The following DCC variants were observed in gnomAD, a reference collection of about 807,000 sequenced individuals.
DCC encodes netrin receptor DCC.
A neutral mutation model predicts 172.5 loss-of-function variants in DCC; 58 were observed. The observed-to-expected ratio is 0.34, with a 90% confidence interval of 0.27 to 0.42. DCC has a LOEUF of 0.42. DCC is among the 10% of genes least tolerant of loss of function. The pLI, the probability that DCC is intolerant of heterozygous loss-of-function variation, is 1.00. For synonymous variants in DCC, 709 were observed against 644.5 expected, an observed-to-expected ratio of 1.10 and a Z score of -1.52; for missense variants, 1,740 against 1,791.0, an observed-to-expected ratio of 0.97 and a Z score of 0.51.
chr18:53,136,767 T>C (rs913564646), intron 7 of DCC, among the ~76,000 whole-genome samples: 5 of 152,192 alleles, frequency 3.3e-5, no homozygotes, highest in African/African-American at 1.2e-4. Context: ...ACAGAAATCA[T>C]GTCCCAATAA....
intron 1 of DCC, among the ~76,000 whole-genome samples, chr18:52,530,511 A>G (rs189402725): frequency 1.2e-4 from 19 of 152,354 alleles, no homozygotes; most frequent in Non-Finnish European, 1.8e-4. Context: ...GCAGAGCCAT[A>G]AAGAAAACAG....
chr18:53,256,903 A>T (rs2056524806), intron 12 of DCC, among the ~76,000 whole-genome samples: 1 of 152,148 alleles, frequency 6.6e-6, no homozygotes, highest in Non-Finnish European at 1.5e-5. Flanking sequence ...AGTGTTTTGT[A>T]GTTCTCCTTG....
chr18:53,407,801 C>T (rs191254277), intron 19 of DCC, among the ~76,000 whole-genome samples: 8 of 151,926 alleles, frequency 5.3e-5, no homozygotes, highest in Non-Finnish European at 7.4e-5. Context: ...AGATTGGAGA[C>T]TGCTCTGGTT....
At chr18:53,223,640 A>T (rs1237712158) in intron 12 of DCC, among the ~76,000 whole-genome samples, 3 of 152,196 alleles carry the variant, frequency 2.0e-5, no homozygotes, top group Non-Finnish European at 4.4e-5. Context: ...AGACATGAAT[A>T]AGTTCAGCCC....
chr18:53,144,850 G>A (rs1379457790), intron 7 of DCC, among the ~76,000 whole-genome samples: 1 of 152,044 alleles, frequency 6.6e-6, no homozygotes, highest in Non-Finnish European at 1.5e-5. Context: ...TGGGAGAAGA[G>A]GGAAGTTTTT....
chr18:52,928,807 C>T (rs1229679068), intron 5 of DCC, among the ~76,000 whole-genome samples: 2 of 152,196 alleles, frequency 1.3e-5, no homozygotes, highest in African/African-American at 4.8e-5. Flanking sequence ...AAGAAGCTGC[C>T]GTTGACCATG....
chr18:52,527,607 C>T (rs1049025392), intron 1 of DCC, among the ~76,000 whole-genome samples: 3 of 152,172 alleles, frequency 2.0e-5, no homozygotes, highest in Admixed American at 1.3e-4. Context: ...ACAATTTAGG[C>T]CATTAGTATG....
At chr18:52,568,237 CAT>C (rs1053998265) in intron 1 of DCC, among the ~76,000 whole-genome samples, 3 of 152,102 alleles carry the variant, frequency 2.0e-5, no homozygotes, top group Non-Finnish European at 4.4e-5. Flanking sequence ...AAAATAAAAA[CAT>C]ATGCTCTCAC....
intron 1 of DCC, among the ~76,000 whole-genome samples, chr18:52,562,764 C>A (rs1003772301): frequency 1.3e-5 from 2 of 151,962 alleles, no homozygotes; most frequent in Admixed American, 6.6e-5. Context: ...ATAAAAAGAA[C>A]AATTTTAATC....
At chr18:53,038,384 TATC>T (rs1186082932) in intron 5 of DCC, among the ~76,000 whole-genome samples, 3 of 152,066 alleles carry the variant, frequency 2.0e-5, no homozygotes, top group African/African-American at 7.2e-5. Context: ...GCACTATTCT[TATC>T]ATCGCCTACC....
At chr18:53,414,402 T>A (rs1231991859) in intron 20 of DCC, among the ~76,000 whole-genome samples, 2 of 152,142 alleles carry the variant, frequency 1.3e-5, no homozygotes, top group African/African-American at 4.8e-5. Flanking sequence ...TTTGGGAGTT[T>A]GGGGCAAGTC....
At chr18:52,781,137 A>T (rs2037533571) in intron 2 of DCC, among the ~76,000 whole-genome samples, 1 of 152,148 alleles carries the variant, frequency 6.6e-6, no homozygotes, top group Non-Finnish European at 1.5e-5. Context: ...AAAGGATCTG[A>T]TCTAATGATA....
At chr18:52,447,377 G>A (rs893163216) in intron 1 of DCC, among the ~76,000 whole-genome samples, 7 of 152,162 alleles carry the variant, frequency 4.6e-5, no homozygotes, top group Admixed American at 6.5e-5. Flanking sequence ...AAGTATTACT[G>A]TAAATAAAGG....
intron 1 of DCC, among the ~76,000 whole-genome samples, chr18:52,588,077 C>T (rs2033718603): frequency 6.6e-6 from 1 of 152,196 alleles, no homozygotes; most frequent in Admixed American, 6.5e-5. Context: ...TGCATGGTGA[C>T]TTGGTGACCC....
At chr18:53,133,969 A>T (rs1354045288) in intron 7 of DCC, among the ~76,000 whole-genome samples, 2 of 152,204 alleles carry the variant, frequency 1.3e-5, no homozygotes, top group Non-Finnish European at 2.9e-5. Flanking sequence ...CATGAATTTT[A>T]TTGGAGAGCA....
At chr18:52,869,948 A>T (rs1201564753) in intron 2 of DCC, among the ~76,000 whole-genome samples, 1 of 152,186 alleles carries the variant, frequency 6.6e-6, no homozygotes, top group Non-Finnish European at 1.5e-5. Context: ...CAGGGAGGGC[A>T]GGGCTACAGC....
chr18:53,520,268 G>T (rs1345630161), intron 27 of DCC, among the ~76,000 whole-genome samples: 2 of 152,182 alleles, frequency 1.3e-5, no homozygotes, highest in African/African-American at 4.8e-5. Context: ...GCCGCAATAT[G>T]GTGTCCAGTA....
intron 2 of DCC, among the ~76,000 whole-genome samples, chr18:52,783,666 G>C (rs1323678036): frequency 6.6e-6 from 1 of 151,544 alleles, no homozygotes; most frequent in Non-Finnish European, 1.5e-5. Flanking sequence ...ATACTTCACT[G>C]TATATACAAG....
At chr18:52,562,824 C>T (rs2144743021) in intron 1 of DCC, among the ~76,000 whole-genome samples, 1 of 151,988 alleles carries the variant, frequency 6.6e-6, no homozygotes, top group African/African-American at 2.4e-5. Flanking sequence ...GGGACAGAGT[C>T]TCACCATCTT....
Sources: allele counts gnomAD v4.1 joint callset (sites outside exome capture counted in the v4.1 genomes callset), GRCh38; gene constraint gnomAD v4.1.1; transcripts MANE v1.5; gene names NCBI Gene and HGNC (gene_info 2026-07-23, HGNC 2026-07-21).